Variants in DPP9 observed in about 807,000 individuals in gnomAD.
The protein encoded by DPP9 is dipeptidyl peptidase 9.
Under a neutral mutation model 110.7 loss-of-function variants are expected in DPP9, and 50 were observed. The observed-to-expected ratio is 0.45, with a 90% CI of 0.36 to 0.57. The LOEUF (loss-of-function observed/expected upper bound fraction) is 0.57. Ranked by LOEUF, DPP9 falls within the 20% of genes least tolerant of loss-of-function variation. The probability of loss-of-function intolerance (pLI) is 0.00; values close to 1 mark genes in which losing one functional copy is unlikely to be tolerated. For synonymous variants in DPP9, 561 were observed against 514.4 expected (o/e 1.09, Z -1.23); for missense variants, 1,022 against 1,217.9 (o/e 0.84, Z 2.39).
At chr19:4,680,161 T>C (rs1174761641) in intron 20 of DPP9, among the ~76,000 whole-genome samples, 21 of 147,830 alleles carry the variant, frequency 1.4e-4, no homozygotes, top group Admixed American at 9.0e-4. Flanking sequence ...TGCTTGAGCC[T>C]CAGAGGCAGA....
At chr19:4,721,039 AG>A (rs1221700367) in intron 2 of DPP9, among the ~76,000 whole-genome samples, 1 of 151,892 alleles carries the variant, frequency 6.6e-6, no homozygotes, top group Non-Finnish European at 1.5e-5. Flanking sequence ...CCCCTAACCC[AG>A]GGGTCTCACC....
chr19:4,711,706 G>T (rs1046364182), intron 4 of DPP9, among the ~76,000 whole-genome samples: 1 of 143,638 alleles, frequency 7.0e-6, no homozygotes, highest in Admixed American at 7.5e-5. Context: ...CCAGGAGGCG[G>T]AAGTTGCAGT....
In DPP9 at chr19:4,698,868, G is replaced by A. The variant is rs1482793211; in HGVS notation, c.1075-1217C>T. 6.6e-6 allele frequency among the ~76,000 whole-genome samples: 1 copy of A among 152,110 alleles called. No individual in the cohort carries two copies. Among genetic ancestry groups the A allele is most frequent in the African/African-American group, 2.4e-5 (1 of 41,418 alleles). On this transcript the variant is annotated intron_variant, in intron 10 of 21. Transcript: ENST00000262960. The surrounding 1 kb of genome is among the most constrained non-coding windows in gnomAD (Gnocchi z 4.2). ...CTGCCAGAATGCTACTGTCAAGAAT[G>A]CAAAAGAAGGCCGGGTGTGGTGGCT...
In DPP9 at chr19:4,720,719, C is replaced by G. The variant is rs1004253692; in HGVS notation, c.-35-778G>C. 2.9e-4 allele frequency among the ~76,000 whole-genome samples: 44 copies of G among 152,274 alleles called. 1 individual carries two copies. Among genetic ancestry groups the G allele is most frequent in the African/African-American group, 1.0e-3 (42 of 41,562 alleles). On this transcript the variant is annotated intron_variant, in intron 2 of 21. Transcript: ENST00000262960. ...GAGTGGGTGGAGCCCAGAGATGCTG[C>G]TTAGCACCCCACAGTGCCCAGGATA... is the stretch of plus-strand genomic sequence containing the variant.
chr19:4,712,797 T>C (rs958898829), intron 4 of DPP9, among the ~76,000 whole-genome samples: 6 of 152,204 alleles, frequency 3.9e-5, no homozygotes, highest in African/African-American at 1.4e-4. Flanking sequence ...CAAGTCTGTC[T>C]GTGGAGAGGG....
In DPP9 at chr19:4,682,830, G is replaced by T; in HGVS notation, c.2340C>A (p.Ile780=). 6.3e-7 allele frequency: 1 copy of T among 1,584,404 alleles called. No homozygotes were observed. The part of the protein sequence containing the change: ...IHKPQVFKVA[I]AGAPVTVWMA... ...TCCAGACGGTGACCGGGGCACCCGCGATGGCCACCTGAGGGACACAGCAGA... is the reference window on the plus strand; with the variant it reads ...TCCAGACGGTGACCGGGGCACCCGCTATGGCCACCTGAGGGACACAGCAGA... Residue 780 remains isoleucine (I), a synonymous_variant, in exon 20 of 22, where the codon ATC becomes ATA. Transcript: ENST00000262960. This position sits in a 1 kb window ranked among gnomAD's most constrained non-coding sequence, Gnocchi z 7.1.
intron 10 of DPP9, 141 bp from the exon 11 acceptor site, chr19:4,697,792 C>A (rs2091926621): frequency 1.5e-6 from 1 of 658,450 alleles, no homozygotes; most frequent in Admixed American, 2.8e-5. Flanking sequence ...CAGAACGCAA[C>A]CTTCTTTGGA....
chr19:4,677,913 C>G (rs1198881601), intron 21 of DPP9, among the ~76,000 whole-genome samples: 1 of 152,148 alleles, frequency 6.6e-6, no homozygotes, highest in Non-Finnish European at 1.5e-5. Context: ...ATAAAGAGGG[C>G]CTGGGGCCGC....
chr19:4,684,790 G>A lies in DPP9; in HGVS notation c.2051C>T (p.Ser684Phe). Residue 684 changes from serine to phenylalanine, a missense_variant, in exon 18 of 22, where the codon TCC (serine) becomes TTC (phenylalanine). By Grantham distance (155) the Ser-to-Phe change is radical. Coordinates refer to ENST00000262960, the MANE Select transcript of DPP9 (RefSeq NM_139159.5). This position sits in a 1 kb window ranked among gnomAD's most constrained non-coding sequence, Gnocchi z 4.8. ...CCGCAAGTACTTGATGCCTTTGAAG[G>A]AGTTATTCACCAGCTGCACCTGTGG... ...GGPQVQLVNN[S>F]FKGIKYLRLN... 1 of 1,597,970 alleles carries A rather than the reference G, an allele frequency of 6.3e-7. No homozygotes were observed. The highest frequency in any genetic ancestry group is 8.5e-7 in the Non-Finnish European group (1 of 1,172,916).
At chr19:4,703,417 G>A (rs999163497) in intron 7 of DPP9, among the ~76,000 whole-genome samples, 5 of 150,602 alleles carry the variant, frequency 3.3e-5, no homozygotes, top group African/African-American at 1.2e-4. Context: ...TTGAGGTCAG[G>A]AGCTCAAGAG....
intron 9 of DPP9, among the ~76,000 whole-genome samples, 155 bp downstream of exon 9, chr19:4,701,872 G>A (rs1369281256): frequency 6.6e-6 from 1 of 152,156 alleles, no homozygotes; most frequent in Non-Finnish European, 1.5e-5. Flanking sequence ...GAAAGGGGCG[G>A]CCCCTGCAGG....
rs767031032 is a variant in DPP9, at chr19:4,688,815, G to A, written c.1827C>T (p.Pro609=). ...PCVHVYKLSG[P]DDDPLHKQPR... ...GCTGCTTGTGCAGGGGGTCGTCGTCGGGGCCGCTCAGCTTGTAGACGTGCA... is the reference window on the plus strand; with the variant it reads ...GCTGCTTGTGCAGGGGGTCGTCGTCAGGGCCGCTCAGCTTGTAGACGTGCA... The change falls in exon 16 of 22, where the codon CCC becomes CCT. Residue 609 remains proline (P), a synonymous_variant. Coordinates refer to ENST00000262960, the MANE Select transcript of DPP9 (RefSeq NM_139159.5). The A allele has an allele frequency of 3.9e-5, 58 of 1,491,776 alleles. No homozygotes were observed. The highest frequency in any genetic ancestry group is 5.0e-5 in the Non-Finnish European group (57 of 1,129,948). The allele number at this position is 1,491,776 out of a possible 1,614,324, so 92.4% of individuals were successfully genotyped here.
chr19:4,694,484 G>A lies in DPP9; in HGVS notation c.1516+177C>T. On this transcript the variant is annotated intron_variant, in intron 13 of 21. Transcript: ENST00000262960. This position sits in a 1 kb window ranked among gnomAD's most constrained non-coding sequence, Gnocchi z 4.0. ...TGCCTGAATAAGCCAACAGTTGGGT[G>A]CTCTAAGCCCTGCCAGATCATGCAG... The A allele has an allele frequency of 2.6e-6, 2 of 770,500 alleles. No individual in the cohort carries two copies. Among genetic ancestry groups the A allele is most frequent in the South Asian group, 1.8e-5 (1 of 55,388 alleles). The allele number at this position is 770,500 out of a possible 1,614,324, so 47.7% of individuals were successfully genotyped here.
rs1019047750 is a variant in DPP9 at position 4,676,705 on chromosome 19, C to G, written c.2587-49G>C. On this transcript the variant is annotated intron_variant, in intron 21 of 21. Transcript: ENST00000262960. This position sits in a 1 kb window ranked among gnomAD's most constrained non-coding sequence, Gnocchi z 4.0. ...CTGGGGGGCGTGGCCGGACCACCCC[C>G]GTGTCCTAGGCTCCTCCCTTATTCT... 6.8e-7 allele frequency: 1 copy of G among 1,474,732 alleles called. No homozygotes were observed. Among genetic ancestry groups the G allele is most frequent in the Non-Finnish European group, 9.3e-7 (1 of 1,076,708 alleles). The allele number at this position is 1,474,732 out of a possible 1,614,324, so 91.4% of individuals were successfully genotyped here.
At chr19:4,705,196 TA>T (rs2092518709) in intron 5 of DPP9, among the ~76,000 whole-genome samples, 1 of 152,206 alleles carries the variant, frequency 6.6e-6, no homozygotes, top group African/African-American at 2.4e-5. Context: ...ATGTTGTTAC[TA>T]TGTTATAATG....
rs189993369 is a variant in DPP9 at position 4,716,439 on chromosome 19, C to T, written c.57-2102G>A. Among the ~76,000 whole-genome samples, 1,190 of 152,184 alleles carry T rather than the reference C, an allele frequency of 7.8e-3. 18 individuals are homozygous for T. The highest frequency in any genetic ancestry group is 0.027 in the African/African-American group (1,104 of 41,528). On this transcript the variant is annotated intron_variant, in intron 3 of 21. Transcript: ENST00000262960. ...GATCATGAGATCAGCAGATCGAGAC[C>T]ATCCTGGCTAACACGGTGAAACCCC... is the stretch of plus-strand genomic sequence containing the variant.
rs2091739055 is a variant in DPP9 at position 4,695,642 on chromosome 19, C to T, written c.1176-87G>A. Reference sequence around the variant, plus strand: ...AGAAGCTGGGGACGCAGCGTCCAAACCCGTGTGGAATCAGGGCTGGGCTTC... The same window carrying T: ...AGAAGCTGGGGACGCAGCGTCCAAATCCGTGTGGAATCAGGGCTGGGCTTC... On this transcript the variant is annotated intron_variant, in intron 11 of 21. Transcript: ENST00000262960. This position sits in a 1 kb window ranked among gnomAD's most constrained non-coding sequence, Gnocchi z 4.7. 8.2e-6 allele frequency: 10 copies of T among 1,225,574 alleles called. No individual in the cohort carries two copies. Among genetic ancestry groups the T allele is most frequent in the Non-Finnish European group, 1.1e-5 (10 of 920,454 alleles). 75.9% of individuals were successfully genotyped at this position (1,225,574 alleles called of 1,614,324 possible).
intron 8 of DPP9, 76 bp from the exon 9 acceptor site, chr19:4,702,231 C>T: frequency 6.6e-7 from 1 of 1,514,058 alleles, no homozygotes; most frequent in South Asian, 1.3e-5. Context: ...CCGCCCCCTG[C>T]AGCACCGGGG....
At position 4,705,891 on chromosome 19, in the gene DPP9, G is replaced by A. The variant is rs374150805; in HGVS notation, c.393C>T (p.Leu131=). The part of the protein sequence containing the change: ...PKKVRKEALL[L]LSWKQMLDHF... ...GATCCAGCATCTGCTTCCAGGACAGGAGCAGCAGAGCCTCTTTCCGGACCT... is the reference window on the plus strand; with the variant it reads ...GATCCAGCATCTGCTTCCAGGACAGAAGCAGCAGAGCCTCTTTCCGGACCT... Residue 131 remains leucine, a synonymous_variant, in exon 5 of 22, where the codon CTC becomes CTT. Transcript: ENST00000262960. The A allele has an allele frequency of 1.2e-5, 20 of 1,614,012 alleles. No individual in the cohort carries two copies. Among genetic ancestry groups the A allele is most frequent in the Non-Finnish European group, 1.7e-5 (20 of 1,179,874 alleles).
Sources: gnomAD v4.1 joint callset for allele counts (sites outside exome capture counted in the v4.1 genomes callset) on GRCh38, gnomAD v4.1.1 for gene constraint, Gnocchi (gnomAD v3.1) non-coding constraint, MANE v1.5 for transcripts, NCBI Gene and HGNC (gene_info 2026-07-23, HGNC 2026-07-21) for gene names.